PUM2: variants seen among roughly 807,000 people sequenced by gnomAD.
PUM2 encodes the protein pumilio RNA binding family member 2.
A neutral mutation model predicts 124.5 loss-of-function variants in PUM2; 57 were observed. The observed-to-expected ratio is 0.46, with a 90% CI of 0.37 to 0.57. The LOEUF is 0.57. PUM2 is among the 20% of genes least tolerant of loss of function. The probability of loss-of-function intolerance (pLI) is 0.00; values close to 1 mark genes in which losing one functional copy is unlikely to be tolerated. For missense variants in PUM2, 1,065 were observed against 1,290.6 expected, an observed-to-expected ratio of 0.83 and a Z score of 2.68; for synonymous variants, 460 against 446.1, an observed-to-expected ratio of 1.03 and a Z score of -0.39.
rs947207100 is a variant in PUM2 at position 20,251,146 on chromosome 2, A to C, written c.*439T>G. 6.5e-6 allele frequency: 1 copy of C among 153,010 alleles called. No individual in the cohort carries two copies. The highest frequency in any genetic ancestry group is 2.4e-5 in the African/African-American group (1 of 41,448). 9.5% of individuals were successfully genotyped at this position (153,010 alleles called of 1,614,324 possible). ...CACGCAAAGGAAAAAAATAAGGACTATAATTCTATATACATCTCTATAAAC... is the reference window on the plus strand; with the variant it reads ...CACGCAAAGGAAAAAAATAAGGACTCTAATTCTATATACATCTCTATAAAC... On this transcript the variant is annotated 3_prime_UTR_variant, in exon 21 of 21. Coordinates refer to ENST00000361078, the MANE Select transcript of PUM2 (RefSeq NM_015317.5).
intron 1 of PUM2, among the ~76,000 whole-genome samples, chr2:20,328,266 G>A (rs934942841): frequency 6.6e-6 from 1 of 152,152 alleles, no homozygotes; most frequent in Non-Finnish European, 1.5e-5. Flanking sequence ...GGAGACAGAG[G>A]TTACAATGAG....
rs144543868 is a variant in PUM2, at chr2:20,304,728, C to T, written c.883+3250G>A. ...TGACTAGTTTGAGATCAGCTATATT[C>T]AAAGCTGACTTGAGATCAGCTATAT... On this transcript the variant is annotated intron_variant, in intron 7 of 20. Transcript: ENST00000361078. Among the ~76,000 whole-genome samples the T allele has an allele frequency of 4.6e-5, 7 of 152,238 alleles. No homozygotes were observed. The East Asian group carries it at 1.3e-3, about 29-fold the overall frequency.
At chr2:20,265,104 T>C (rs972256361) in intron 13 of PUM2, among the ~76,000 whole-genome samples, 3 of 151,982 alleles carry the variant, frequency 2.0e-5, no homozygotes, top group Non-Finnish European at 4.4e-5. Context: ...AAAAAAAAAT[T>C]AGCTGGGCGC....
At chr2:20,287,764 G>A (rs1215393233) in intron 10 of PUM2, among the ~76,000 whole-genome samples, 1 of 152,234 alleles carries the variant, frequency 6.6e-6, no homozygotes, top group Non-Finnish European at 1.5e-5. Context: ...GAATTGGCAA[G>A]TTATTGGATG....
chr2:20,332,322 T>TGTG (rs3222066), intron 1 of PUM2, among the ~76,000 whole-genome samples: 1 of 149,922 alleles, frequency 6.7e-6, no homozygotes, highest in Non-Finnish European at 1.5e-5. Flanking sequence ...TGTGTGTGTG[T>TGTG]TTAAACGAAT....
intron 3 of PUM2, among the ~76,000 whole-genome samples, chr2:20,317,427 A>C (rs1026680658): frequency 6.6e-6 from 1 of 152,216 alleles, no homozygotes; most frequent in African/African-American, 2.4e-5. Context: ...CAAATATCTA[A>C]TAAAGCTAGG....
At chr2:20,348,488 T>C (rs1235308130) in intron 1 of PUM2, among the ~76,000 whole-genome samples, 1 of 152,230 alleles carries the variant, frequency 6.6e-6, no homozygotes, top group Non-Finnish European at 1.5e-5. Context: ...ATGCAGATCA[T>C]GTTAGGGTCT....
chr2:20,248,726 A>G (rs951289239), downstream of PUM2: 7 of 152,680 alleles, frequency 4.6e-5, no homozygotes, highest in African/African-American at 1.7e-4. Context: ...AGAGAAAAAC[A>G]CAAGACCAGG....
rs1689191244 is a variant in PUM2, at chr2:20,350,703, GTCT to G, written c.-128_-126del. Reference sequence around the variant, plus strand: ...CTCCTCCGCCTTCGGTGGCGGCAATGTCTTCTTTCTCCACCTACCACCCTCCCC... The same window carrying G: ...CTCCTCCGCCTTCGGTGGCGGCAATGTCTTTCTCCACCTACCACCCTCCCC... On this transcript the variant is annotated 5_prime_UTR_variant, in exon 1 of 21. Transcript: ENST00000361078. 2.0e-6 allele frequency: 2 copies of G among 983,582 alleles called. No individual in the cohort carries two copies. Among genetic ancestry groups the G allele is most frequent in the African/African-American group, 3.5e-5 (2 of 56,936 alleles). The allele number at this position is 983,582 out of a possible 1,614,324, so 60.9% of individuals were successfully genotyped here.
intron 12 of PUM2, 72 bp from the exon 13 acceptor site, chr2:20,278,891 T>A (rs1670877888): frequency 8.9e-7 from 1 of 1,117,354 alleles, no homozygotes; most frequent in Non-Finnish European, 1.3e-6. Context: ...CAACTCTCGC[T>A]GGGCAATAAC....
chr2:20,303,699 A>C (rs1677542456), intron 7 of PUM2, among the ~76,000 whole-genome samples: 1 of 152,160 alleles, frequency 6.6e-6, no homozygotes, highest in Non-Finnish European at 1.5e-5. Flanking sequence ...TGATTACCAT[A>C]GGGAATTTCA....
chr2:20,349,510 T>A (rs775960241), intron 1 of PUM2, among the ~76,000 whole-genome samples: 1 of 150,988 alleles, frequency 6.6e-6, no homozygotes, highest in Non-Finnish European at 1.5e-5. Context: ...TTGAAAATAC[T>A]CATTTTTGTT....
chr2:20,290,429 G>A (rs1673753795), intron 10 of PUM2, among the ~76,000 whole-genome samples: 1 of 149,954 alleles, frequency 6.7e-6, no homozygotes. Flanking sequence ...TGAGAATTCT[G>A]ATACATATTT....
At chr2:20,349,832 A>T (rs1036168467) in intron 1 of PUM2, among the ~76,000 whole-genome samples, 3 of 152,228 alleles carry the variant, frequency 2.0e-5, no homozygotes, top group African/African-American at 7.2e-5. Context: ...CTGGCAATAC[A>T]TTCCTCTCTT....
chr2:20,286,905 T>C lies in PUM2; in HGVS notation c.1292-3419A>G, dbSNP rs1173526539. ...CTTTTTGTCTATGGCCATACAACCC[T>C]GATCGTGCCTGATCTCATCTGAATT... On this transcript the variant is annotated intron_variant, in intron 10 of 20. Coordinates refer to ENST00000361078, the MANE Select transcript of PUM2 (RefSeq NM_015317.5). 4.6e-5 allele frequency among the ~76,000 whole-genome samples: 7 copies of C among 152,182 alleles called. No individual in the cohort carries two copies. In the East Asian group the frequency reaches 1.3e-3, roughly 29 times the overall value.
At chr2:20,336,788 GT>G (rs1686204913) in intron 1 of PUM2, among the ~76,000 whole-genome samples, 5 of 140,306 alleles carry the variant, frequency 3.6e-5, no homozygotes, top group Non-Finnish European at 7.7e-5. Flanking sequence ...GTGTGTGTGT[GT>G]GTGTGTGTGT....
upstream of PUM2, chr2:20,350,942 T>G: frequency 3.9e-6 from 1 of 258,428 alleles, no homozygotes; most frequent in Non-Finnish European, 6.0e-6. Context: ...GCGTCCCTGC[T>G]CCCGCGCTGC....
chr2:20,294,585 C>G lies in PUM2; in HGVS notation c.1010-67G>C, dbSNP rs989365440. 20 of 1,467,698 alleles carry G rather than the reference C, an allele frequency of 1.4e-5. No individual in the cohort carries two copies. In the Admixed American group the frequency reaches 3.6e-4, roughly 27 times the overall value. The allele number at this position is 1,467,698 out of a possible 1,614,324, so 90.9% of individuals were successfully genotyped here. ...TTTACATAGACATGAGGTTAGCTAC[C>G]TATCATCAGATTATAAAAGGGGGCA... On this transcript the variant is annotated intron_variant, in intron 8 of 20. Transcript: ENST00000361078.
At chr2:20,282,119 G>A (rs371644087) in intron 12 of PUM2, among the ~76,000 whole-genome samples, 2 of 152,174 alleles carry the variant, frequency 1.3e-5, no homozygotes, top group Non-Finnish European at 2.9e-5. Context: ...CAGCTGCACC[G>A]ATAGAACTGG....
Sources: allele counts gnomAD v4.1 joint callset (sites outside exome capture counted in the v4.1 genomes callset), GRCh38; gene constraint gnomAD v4.1.1; transcripts MANE v1.5; gene names NCBI Gene and HGNC (gene_info 2026-07-23, HGNC 2026-07-21).